The following OLAH variants were observed in gnomAD, a reference collection of about 807,000 sequenced individuals.
OLAH encodes the protein oleoyl-ACP hydrolase, also known as S-acyl fatty acid synthase thioesterase, medium chain.
Under a neutral mutation model 27.8 loss-of-function variants are expected in OLAH, and 33 were observed. The ratio of observed to expected loss-of-function variants is 1.19; its 90% CI spans 0.90 to 1.59. The LOEUF (loss-of-function observed/expected upper bound fraction) is 1.59, where lower values mean the gene tolerates loss of function less well. OLAH is among the 40% of genes most tolerant of loss of function. OLAH has a pLI of 0.00. For missense variants in OLAH, 359 were observed against 310.8 expected (o/e 1.16, Z -1.17); for synonymous variants, 120 against 102.9 (o/e 1.17, Z -1.01).
intron 3 of OLAH, among the ~76,000 whole-genome samples, chr10:15,055,392 A>T (rs1844226541): frequency 6.6e-6 from 1 of 151,166 alleles, no homozygotes; most frequent in Non-Finnish European, 1.5e-5. Context: ...TTTCTGTAGG[A>T]CTCTTTTCTA....
At chr10:15,033,552 T>C (rs1027744531) in intron 1 of OLAH, among the ~76,000 whole-genome samples, 1 of 152,012 alleles carries the variant, frequency 6.6e-6, no homozygotes, top group Non-Finnish European at 1.5e-5. Context: ...AGAGGTGATG[T>C]CTTAGTCTAT....
chr10:15,034,858 G>C (rs1391103937), intron 1 of OLAH, among the ~76,000 whole-genome samples: 1 of 148,248 alleles, frequency 6.7e-6, no homozygotes, highest in Non-Finnish European at 1.5e-5. Flanking sequence ...CTGGCATGCA[G>C]TGGCACGATC....
chr10:15,061,910 G>A (rs1404588789), intron 4 of OLAH, 48 bp downstream of exon 4: 1 of 1,567,032 alleles, frequency 6.4e-7, no homozygotes, highest in Non-Finnish European at 8.7e-7. Flanking sequence ...TCTTCTATCT[G>A]AAGTTTGAGG....
intron 3 of OLAH, among the ~76,000 whole-genome samples, chr10:15,055,087 C>T (rs555001393): frequency 6.6e-6 from 1 of 152,272 alleles, no homozygotes; most frequent in East Asian, 1.9e-4. Context: ...GTCTCAGCCT[C>T]CCAAGTAGGT....
intron 6 of OLAH, among the ~76,000 whole-genome samples, chr10:15,065,993 C>A (rs912439848): frequency 1.4e-4 from 21 of 152,138 alleles, no homozygotes; most frequent in African/African-American, 5.1e-4. Context: ...ATAATTCCAG[C>A]ACTTTGGGAG....
intron 4 of OLAH, 85 bp downstream of exon 4, chr10:15,061,947 G>A (rs1156590886): frequency 6.1e-6 from 8 of 1,310,034 alleles, no homozygotes; most frequent in Non-Finnish European, 1.1e-6. Flanking sequence ...TGTTTTGTAA[G>A]ATGCATACCT....
chr10:15,048,653 A>G (rs890544865), intron 2 of OLAH, among the ~76,000 whole-genome samples: 1 of 152,230 alleles, frequency 6.6e-6, no homozygotes, highest in Admixed American at 6.5e-5. Context: ...CTGCCCATGA[A>G]CGGTTTGGAT....
At chr10:15,065,184 C>T (rs932763828) in intron 5 of OLAH, among the ~76,000 whole-genome samples, 1 of 152,178 alleles carries the variant, frequency 6.6e-6, no homozygotes, top group African/African-American at 2.4e-5. Flanking sequence ...AGCAAAGTAA[C>T]TGGATCAGAA....
At chr10:15,037,576 G>A (rs886226985) in intron 1 of OLAH, among the ~76,000 whole-genome samples, 10 of 79,296 alleles carry the variant, frequency 1.3e-4, no homozygotes, top group South Asian at 5.4e-4. Context: ...GCGAGACTCC[G>A]TATCAAAAAA....
At chr10:15,060,397 T>C (rs958083264) in intron 3 of OLAH, among the ~76,000 whole-genome samples, 1 of 152,148 alleles carries the variant, frequency 6.6e-6, no homozygotes, top group Non-Finnish European at 1.5e-5. Context: ...CTTGAACTCC[T>C]GACTTCAAGT....
chr10:15,055,485 G>A (rs566145725), intron 3 of OLAH, among the ~76,000 whole-genome samples: 55 of 152,028 alleles, frequency 3.6e-4, no homozygotes, highest in African/African-American at 1.2e-3. Context: ...TCCAAGTCTC[G>A]TCCTTTCTAC....
upstream of OLAH, among the ~76,000 whole-genome samples, chr10:15,039,231 A>C (rs1344172784): frequency 6.6e-6 from 1 of 152,020 alleles, no homozygotes; most frequent in Non-Finnish European, 1.5e-5. Flanking sequence ...GTCTCTCTAA[A>C]AAAAAAGGGA....
chr10:15,034,804 C>T (rs9663305), intron 1 of OLAH, among the ~76,000 whole-genome samples: 4,427 of 83,422 alleles, frequency 0.053, 142 homozygotes, highest in South Asian at 0.13. Context: ...TTCTTTCTTT[C>T]TTTTTTTTTT....
intron 3 of OLAH, among the ~76,000 whole-genome samples, chr10:15,059,754 C>A (rs1844325976): frequency 6.6e-6 from 1 of 152,046 alleles, no homozygotes; most frequent in African/African-American, 2.4e-5. Flanking sequence ...TGTAGTGAGC[C>A]AAGATGGCAC....
intron 1 of OLAH, among the ~76,000 whole-genome samples, chr10:15,046,571 G>A (rs996955223): frequency 2.6e-5 from 4 of 151,798 alleles, no homozygotes; most frequent in Non-Finnish European, 5.9e-5. Context: ...GGGTTCAAGC[G>A]ATTCTCCTGC....
intron 6 of OLAH, chr10:15,071,436 G>T: frequency 1.3e-6 from 1 of 796,556 alleles, no homozygotes; most frequent in Non-Finnish European, 1.5e-6. Context: ...GAGGTTCTGT[G>T]CAGAGCAACC....
Position 15,073,369 on chromosome 10 carries a change from T to C in OLAH, c.*140T>C. ...GATTCGTTACATAAATATATTTACG[T>C]ATCTGGGGACAAAGGTCAAGCCAGT... is the stretch of plus-strand genomic sequence containing the variant. On this transcript the variant is annotated 3_prime_UTR_variant, in exon 8 of 8. Coordinates refer to ENST00000378228, the MANE Select transcript of OLAH (RefSeq NM_001039702.3). 3.1e-6 allele frequency: 2 copies of C among 637,878 alleles called. No individual in the cohort carries two copies. Among genetic ancestry groups the C allele is most frequent in the Middle Eastern group, 4.3e-4 (1 of 2,304 alleles). The allele number at this position is 637,878 out of a possible 1,614,324, so 39.5% of individuals were successfully genotyped here. A position where few individuals can be genotyped will look rare whatever the true frequency, so the allele number is the denominator to read the frequency against.
At chr10:15,047,453 G>C (rs1844042481) in intron 2 of OLAH, 133 bp downstream of exon 2, 2 of 866,760 alleles carry the variant, frequency 2.3e-6, no homozygotes, top group African/African-American at 1.7e-5. Flanking sequence ...CCAGCACTTT[G>C]GGAGCCTGAG....
chr10:15,035,010 C>T (rs1843820424), intron 1 of OLAH, among the ~76,000 whole-genome samples: 1 of 152,104 alleles, frequency 6.6e-6, no homozygotes, highest in Non-Finnish European at 1.5e-5. Flanking sequence ...CCATGTTGGC[C>T]AGGCTGGTCA....
Sources: allele counts gnomAD v4.1 joint callset (sites outside exome capture counted in the v4.1 genomes callset), GRCh38; gene constraint gnomAD v4.1.1; transcripts MANE v1.5; gene names NCBI Gene and HGNC (gene_info 2026-07-23, HGNC 2026-07-21).